COLEC10: variants seen among roughly 807,000 people sequenced by gnomAD.
The protein encoded by COLEC10 is collectin-10.
In COLEC10, 22 loss-of-function variants were observed where a neutral mutation model predicts 28.4. The observed-to-expected ratio is 0.78, with a 90% CI of 0.55 to 1.11. The LOEUF is 1.11. Among genes scored for constraint, COLEC10 ranks in the 50% least tolerant of loss-of-function variants. The pLI is 0.00. For missense variants in COLEC10, 361 were observed against 344.1 expected, an observed-to-expected ratio of 1.05 and a Z score of -0.39; for synonymous variants, 125 against 116.1, an observed-to-expected ratio of 1.08 and a Z score of -0.49.
chr8:118,986,570 T>C, the COLEC10 span, among the ~76,000 whole-genome samples: 3 of 152,288 alleles, frequency 2.0e-5, no homozygotes, highest in Admixed American at 2.0e-4. Flanking sequence ...TTGAAAGTAA[T>C]GTTTGGATGC....
chr8:119,094,623 C>T (rs1294272981), intron 3 of COLEC10, among the ~76,000 whole-genome samples: 1 of 152,080 alleles, frequency 6.6e-6, no homozygotes, highest in Non-Finnish European at 1.5e-5. Context: ...CCAAGTCATC[C>T]ACCAGTTCAT....
At chr8:118,956,911 G>A in the COLEC10 span, among the ~76,000 whole-genome samples, 2,615 of 152,196 alleles carry the variant, frequency 0.017, 88 homozygotes, top group African/African-American at 0.059. Flanking sequence ...ATTTGGGAAA[G>A]TCCCCAACTG....
rs554649927 is a variant in COLEC10 at position 119,062,174 on chromosome 8, T to C, written n.236-27506T>C. 3.0e-4 allele frequency among the ~76,000 whole-genome samples: 45 copies of C among 152,132 alleles called. No individual in the cohort carries two copies. The Middle Eastern group carries it at 0.01, about 34-fold the overall frequency. ...AATTATAATATTAAGTTACTAGGAT[T>C]AAAAGAAGGAAAATATGTGTGGAAG... On this transcript the variant is annotated intron_variant and non_coding_transcript_variant, in intron 2 of 6. Transcript: ENST00000521788.
At chr8:118,964,604 A>T in the COLEC10 span, among the ~76,000 whole-genome samples, 1 of 152,330 alleles carries the variant, frequency 6.6e-6, no homozygotes, top group Non-Finnish European at 1.5e-5. Context: ...TTAAGATGAA[A>T]GAAAAGGGAA....
intron 1 of COLEC10, among the ~76,000 whole-genome samples, chr8:119,083,335 T>G (rs1815404580): frequency 6.6e-6 from 1 of 152,212 alleles, no homozygotes; most frequent in South Asian, 2.1e-4. Flanking sequence ...CAAGTCTCCA[T>G]TTTTGAAAGT....
upstream of COLEC10, among the ~76,000 whole-genome samples, chr8:119,062,566 G>A (rs184512818): frequency 5.9e-5 from 9 of 151,400 alleles, no homozygotes; most frequent in East Asian, 1.2e-3. Flanking sequence ...TGCGACCTCC[G>A]CCCCCCGGGT....
chr8:119,070,442 C>CTCTCT (rs1815080428), intron 1 of COLEC10, among the ~76,000 whole-genome samples: 17 of 130,364 alleles, frequency 1.3e-4, no homozygotes, highest in Middle Eastern at 4.0e-3. Context: ...AAATGTTCTC[C>CTCTCT]CTCGCTCTCT....
chr8:119,008,765 T>G (rs1229184553), intron 1 of COLEC10, among the ~76,000 whole-genome samples: 1 of 150,972 alleles, frequency 6.6e-6, no homozygotes, highest in African/African-American at 2.5e-5. Flanking sequence ...CAAAAGTAAT[T>G]ACGGTTTTTG....
chr8:118,982,935 C>T, the COLEC10 span: 1 of 152,128 alleles, frequency 6.6e-6, no homozygotes, highest in Non-Finnish European at 1.5e-5. Flanking sequence ...GTGCACCAAC[C>T]ACACCATCCT....
intron 2 of COLEC10, among the ~76,000 whole-genome samples, chr8:119,040,102 G>T (rs1381261385): frequency 1.3e-5 from 2 of 152,110 alleles, no homozygotes; most frequent in African/African-American, 4.8e-5. Context: ...ACCCCGTAAA[G>T]AATCTTCTAT....
At chr8:119,074,825 T>G (rs756223468) in intron 1 of COLEC10, among the ~76,000 whole-genome samples, 1 of 152,146 alleles carries the variant, frequency 6.6e-6, no homozygotes, top group Non-Finnish European at 1.5e-5. Context: ...GAAATAACAG[T>G]GGTAAATACG....
chr8:119,025,734 T>C (rs1245630040), intron 2 of COLEC10, among the ~76,000 whole-genome samples: 1 of 152,180 alleles, frequency 6.6e-6, no homozygotes, highest in Non-Finnish European at 1.5e-5. Context: ...ACCATATTGC[T>C]CTAGGTTCTC....
chr8:119,095,775 A>C (rs1403652741), intron 3 of COLEC10, among the ~76,000 whole-genome samples: 1 of 152,230 alleles, frequency 6.6e-6, no homozygotes, highest in African/African-American at 2.4e-5. Flanking sequence ...GCCAATTCAA[A>C]ATATATGTGT....
At chr8:118,983,783 G>A in the COLEC10 span, among the ~76,000 whole-genome samples, 5 of 152,086 alleles carry the variant, frequency 3.3e-5, no homozygotes, top group Admixed American at 1.3e-4. Context: ...ACCATGATGA[G>A]ATACCATCTG....
chr8:118,991,249 C>T (rs931998136), upstream of COLEC10, among the ~76,000 whole-genome samples: 2 of 152,134 alleles, frequency 1.3e-5, no homozygotes, highest in African/African-American at 4.8e-5. Flanking sequence ...CTACCTGCAA[C>T]ACTTACTAGC....
chr8:119,021,239 G>T (rs1814085779), intron 2 of COLEC10, among the ~76,000 whole-genome samples: 1 of 152,132 alleles, frequency 6.6e-6, no homozygotes, highest in South Asian at 2.1e-4. Context: ...GATGGTGATT[G>T]TTTATTCTTC....
At chr8:119,089,348 T>A (rs1370619944) in intron 1 of COLEC10, among the ~76,000 whole-genome samples, 1 of 152,060 alleles carries the variant, frequency 6.6e-6, no homozygotes, top group Non-Finnish European at 1.5e-5. Flanking sequence ...TGCGTGTGTG[T>A]TTGTGTAAAT....
At chr8:119,053,403 A>G (rs1265876380) in intron 2 of COLEC10, among the ~76,000 whole-genome samples, 2 of 152,140 alleles carry the variant, frequency 1.3e-5, no homozygotes, top group Non-Finnish European at 2.9e-5. Flanking sequence ...AGGATGAAAG[A>G]GCATTATTAC....
the COLEC10 span, among the ~76,000 whole-genome samples, chr8:118,989,832 A>G: frequency 1.3e-5 from 2 of 151,990 alleles, no homozygotes; most frequent in Admixed American, 1.3e-4. Flanking sequence ...GAGACCAGAA[A>G]TCTTTTAGAT....
Sources: gnomAD v4.1 joint callset for allele counts (sites outside exome capture counted in the v4.1 genomes callset) on GRCh38, gnomAD v4.1.1 for gene constraint, MANE v1.5 for transcripts, NCBI Gene and HGNC (gene_info 2026-07-23, HGNC 2026-07-21) for gene names.